STXBP5L: variants seen among roughly 807,000 people sequenced by gnomAD.
The protein encoded by STXBP5L is syntaxin binding protein 5L, also known as syntaxin-binding protein 5-like.
STXBP5L carries 65 observed loss-of-function variants against 144.5 expected under a neutral mutation model. That is an observed-to-expected ratio of 0.45 (90% CI 0.37 to 0.55). STXBP5L has a LOEUF of 0.55. Among genes scored for constraint, STXBP5L ranks in the 20% least tolerant of loss-of-function variants. The pLI, the probability that STXBP5L is intolerant of heterozygous loss-of-function variation, is 0.00. For synonymous variants in STXBP5L, 505 were observed against 469.6 expected, an observed-to-expected ratio of 1.08 and a Z score of -0.97; for missense variants, 1,298 against 1,405.5, an observed-to-expected ratio of 0.92 and a Z score of 1.22.
At chr3:121,190,065 T>A (rs2047577349) in intron 9 of STXBP5L, among the ~76,000 whole-genome samples, 1 of 152,074 alleles carries the variant, frequency 6.6e-6, no homozygotes, top group African/African-American at 2.4e-5. Context: ...TTTTTTTAAT[T>A]TTTTTAGTAT....
chr3:120,959,168 A>G (rs560969599), intron 3 of STXBP5L, among the ~76,000 whole-genome samples: 1 of 152,200 alleles, frequency 6.6e-6, no homozygotes, highest in Admixed American at 6.5e-5. Context: ...CAAAGAGAAT[A>G]AAATACCTAG....
At chr3:120,998,097 C>T (rs980475284) in intron 3 of STXBP5L, among the ~76,000 whole-genome samples, 1 of 152,110 alleles carries the variant, frequency 6.6e-6, no homozygotes, top group African/African-American at 2.4e-5. Context: ...ATAATTAGTG[C>T]CGTCTATGAA....
intron 5 of STXBP5L, among the ~76,000 whole-genome samples, chr3:121,105,324 AG>A (rs1404250877): frequency 6.6e-6 from 1 of 152,042 alleles, no homozygotes; most frequent in Non-Finnish European, 1.5e-5. Context: ...TGAACCTGGG[AG>A]GCAGAGGTTG....
At chr3:120,964,206 A>T (rs1055432725) in intron 3 of STXBP5L, among the ~76,000 whole-genome samples, 1 of 151,904 alleles carries the variant, frequency 6.6e-6, no homozygotes, top group South Asian at 2.1e-4. Flanking sequence ...AATTTTGTTG[A>T]TCTTTTCCAA....
intron 3 of STXBP5L, among the ~76,000 whole-genome samples, chr3:121,004,951 G>A (rs1944146284): frequency 6.6e-6 from 1 of 152,156 alleles, no homozygotes; most frequent in Non-Finnish European, 1.5e-5. Context: ...TATTCGGTTT[G>A]CCAGTATTTT....
chr3:121,239,713 T>TG (rs1015814700), intron 13 of STXBP5L, among the ~76,000 whole-genome samples: 1 of 60,212 alleles, frequency 1.7e-5, no homozygotes, highest in African/African-American at 7.1e-5. Flanking sequence ...TGTTGTGGGG[T>TG]GGGGGGAGGG....
intron 3 of STXBP5L, among the ~76,000 whole-genome samples, chr3:121,038,318 C>T (rs1367416305): frequency 6.6e-6 from 1 of 151,830 alleles, no homozygotes; most frequent in Non-Finnish European, 1.5e-5. Context: ...GCATCTCACA[C>T]CTTTGATATA....
intron 5 of STXBP5L, among the ~76,000 whole-genome samples, chr3:121,074,450 G>A (rs1208181101): frequency 6.6e-6 from 1 of 152,052 alleles, no homozygotes; most frequent in Non-Finnish European, 1.5e-5. Flanking sequence ...CAAATTTAAG[G>A]AGCCAGTCTA....
intron 14 of STXBP5L, among the ~76,000 whole-genome samples, chr3:121,241,857 T>C (rs1471680953): frequency 3.3e-5 from 5 of 151,900 alleles, no homozygotes; most frequent in Non-Finnish European, 7.4e-5. Flanking sequence ...TTCTGAACAG[T>C]AAACACTGAA....
chr3:121,389,711 A>G (rs1410071325), intron 22 of STXBP5L, among the ~76,000 whole-genome samples: 3 of 152,170 alleles, frequency 2.0e-5, no homozygotes, highest in African/African-American at 7.2e-5. Flanking sequence ...GAGTTTCTTA[A>G]TCCTGAGTTC....
intron 3 of STXBP5L, among the ~76,000 whole-genome samples, chr3:120,975,431 A>T (rs1348862344): frequency 6.6e-6 from 1 of 152,236 alleles, no homozygotes; most frequent in Non-Finnish European, 1.5e-5. Context: ...TATCAGCTTA[A>T]GGAGATTTTG....
At chr3:121,233,769 G>A (rs2108316722) in intron 12 of STXBP5L, 81 bp downstream of exon 12, 3 of 1,085,914 alleles carry the variant, frequency 2.8e-6, no homozygotes, top group Non-Finnish European at 3.9e-6. Context: ...TTGATAGGAA[G>A]TATTCTTTGT....
At chr3:121,343,360 C>G (rs2044809490) in intron 20 of STXBP5L, among the ~76,000 whole-genome samples, 2 of 152,030 alleles carry the variant, frequency 1.3e-5, no homozygotes, top group African/African-American at 4.8e-5. Context: ...CCCTCTCTCA[C>G]CACTCCTATT....
intron 19 of STXBP5L, among the ~76,000 whole-genome samples, chr3:121,291,060 C>A (rs547271879): frequency 1.3e-5 from 2 of 152,172 alleles, no homozygotes; most frequent in South Asian, 4.1e-4. Flanking sequence ...AGCAACCAGA[C>A]AAGAGAAATA....
Position 121,234,309 on chromosome 3 carries a change from A to G in STXBP5L, c.1184+621A>G, listed in dbSNP as rs1362079298. On this transcript the variant is annotated intron_variant, in intron 12 of 26. Transcript: ENST00000471454. ...TTTAGCCTCATATATTTGTAACACA[A>G]TTTTGTAAGTTGTCTCTCCTTGGCC... 5.9e-5 allele frequency among the ~76,000 whole-genome samples: 9 copies of G among 152,202 alleles called. 1 individual carries two copies. The South Asian group carries it at 1.5e-3, about 25-fold the overall frequency.
intron 2 of STXBP5L, among the ~76,000 whole-genome samples, chr3:120,928,889 A>G (rs1487226028): frequency 6.6e-6 from 1 of 152,114 alleles, no homozygotes; most frequent in African/African-American, 2.4e-5. Flanking sequence ...GTGGAAATTA[A>G]CAAAGACCAC....
chr3:121,123,457 T>C (rs989785255), intron 7 of STXBP5L, among the ~76,000 whole-genome samples: 3 of 151,644 alleles, frequency 2.0e-5, no homozygotes, highest in Admixed American at 6.6e-5. Context: ...TGTGTTGATA[T>C]GGAAAGTTCT....
At chr3:121,086,042 C>A (rs1200921758) in intron 5 of STXBP5L, among the ~76,000 whole-genome samples, 1 of 152,010 alleles carries the variant, frequency 6.6e-6, no homozygotes, top group Non-Finnish European at 1.5e-5. Context: ...CTTAGACAAA[C>A]CTAACAAAAG....
intron 9 of STXBP5L, among the ~76,000 whole-genome samples, chr3:121,164,615 T>A (rs566679691): frequency 6.6e-6 from 1 of 152,154 alleles, no homozygotes; most frequent in Non-Finnish European, 1.5e-5. Context: ...ATATTCACAA[T>A]AGCCAAGATA....
Sources: allele counts gnomAD v4.1 joint callset (sites outside exome capture counted in the v4.1 genomes callset), GRCh38; gene constraint gnomAD v4.1.1; transcripts MANE v1.5; gene names NCBI Gene and HGNC (gene_info 2026-07-23, HGNC 2026-07-21).